PTPRQ: variants seen among roughly 807,000 people sequenced by gnomAD.
The protein encoded by PTPRQ is phosphatidylinositol phosphatase PTPRQ.
PTPRQ carries 199 observed loss-of-function variants against 246.0 expected under a neutral mutation model. That is an observed-to-expected ratio of 0.81 (90% CI 0.72 to 0.91). The LOEUF is 0.91. Among genes scored for constraint, PTPRQ ranks in the 40% least tolerant of loss-of-function variants. The pLI is 0.00. For missense variants in PTPRQ, 2,624 were observed against 2,528.4 expected (o/e 1.04, Z -0.81); for synonymous variants, 869 against 853.2 (o/e 1.02, Z -0.32).
chr12:80,448,342 G>T (rs1382553905), intron 3 of PTPRQ, among the ~76,000 whole-genome samples: 1 of 152,110 alleles, frequency 6.6e-6, no homozygotes, highest in Non-Finnish European at 1.5e-5. Context: ...AGTGAACAAA[G>T]ATAGTATGCT....
At chr12:80,465,289 C>T (rs545300632) in intron 6 of PTPRQ, 1 of 152,336 alleles carries the variant, frequency 6.6e-6, no homozygotes, top group East Asian at 1.9e-4. Flanking sequence ...CATACACCCT[C>T]CCAAGACTAA....
intron 20 of PTPRQ, among the ~76,000 whole-genome samples, 171 bp downstream of exon 20, chr12:80,540,115 C>T (rs1013072045): frequency 6.6e-6 from 1 of 152,090 alleles, no homozygotes; most frequent in African/African-American, 2.4e-5. Context: ...GTAATAGCCT[C>T]TTCTGTTCAA....
At chr12:80,614,429 G>A (rs1402946585) in intron 29 of PTPRQ, among the ~76,000 whole-genome samples, 1 of 150,676 alleles carries the variant, frequency 6.6e-6, no homozygotes, top group South Asian at 2.1e-4. Flanking sequence ...ATATGGTTCA[G>A]AGAAATCATC....
At chr12:80,545,201 C>T (rs1353331894) in intron 23 of PTPRQ, among the ~76,000 whole-genome samples, 1 of 152,002 alleles carries the variant, frequency 6.6e-6, no homozygotes. Flanking sequence ...TATAAAAATT[C>T]CTTGATGGCA....
chr12:80,524,529 T>G (rs554929774), intron 17 of PTPRQ, among the ~76,000 whole-genome samples: 29 of 152,118 alleles, frequency 1.9e-4, no homozygotes, highest in Non-Finnish European at 3.8e-4. Context: ...TTAATTTAGG[T>G]CAGCTGTTGT....
intron 8 of PTPRQ, among the ~76,000 whole-genome samples, chr12:80,481,132 A>G (rs1049929905): frequency 4.6e-5 from 7 of 152,218 alleles, no homozygotes; most frequent in African/African-American, 1.7e-4. Context: ...TCAGTAAAAT[A>G]CTGGCAAAAC....
rs1021933554 is a variant in PTPRQ at position 80,571,083 on chromosome 12, A to G, written c.4286-17046A>G. 6.4e-4 allele frequency among the ~76,000 whole-genome samples: 98 copies of G among 152,252 alleles called. 2 individuals carry two copies. Among genetic ancestry groups the G allele is most frequent in the African/African-American group, 2.3e-3 (96 of 41,550 alleles). ...GCTATGTGCTCTTTTTTGGTTCCAT[A>G]TGAAATTTAAAGTGGTTTTTTTCTA... On this transcript the variant is annotated intron_variant, in intron 25 of 44. Coordinates refer to ENST00000644991, the MANE Select transcript of PTPRQ (RefSeq NM_001145026.2).
chr12:80,569,695 G>A lies in PTPRQ; in HGVS notation c.4286-18434G>A, dbSNP rs140706521. ...GGTGGTTTGCTGCCGCCATCAAACC[G>A]TCATCTATATTAGGTACTCCTCCTA... On this transcript the variant is annotated intron_variant, in intron 25 of 44. Transcript: ENST00000644991. 4.9e-3 allele frequency among the ~76,000 whole-genome samples: 735 copies of A among 151,462 alleles called. 4 individuals are homozygous for A. The highest frequency in any genetic ancestry group is 0.016 in the African/African-American group (670 of 41,232).
rs573540648 is a variant in PTPRQ at position 80,657,444 on chromosome 12, G to A, written c.6116-541G>A. Among the ~76,000 whole-genome samples the A allele has an allele frequency of 7.2e-5, 11 of 151,726 alleles. No homozygotes were observed. In the East Asian group the frequency reaches 2.1e-3, roughly 29 times the overall value. On this transcript the variant is annotated intron_variant, in intron 38 of 44. Transcript: ENST00000644991. ...AGAAATGTTTTTCAAAATTTGGAATGCATATATATAAAATCTAAAAATTTT... is the reference window on the plus strand; with the variant it reads ...AGAAATGTTTTTCAAAATTTGGAATACATATATATAAAATCTAAAAATTTT...
At chr12:80,623,327 G>A (rs773971416) in intron 33 of PTPRQ, among the ~76,000 whole-genome samples, 1 of 152,144 alleles carries the variant, frequency 6.6e-6, no homozygotes, top group Admixed American at 6.6e-5. Context: ...CTACATAGAT[G>A]TTTGTAGAGA....
intron 6 of PTPRQ, among the ~76,000 whole-genome samples, chr12:80,463,709 T>G (rs1188132616): frequency 1.3e-5 from 2 of 151,584 alleles, no homozygotes; most frequent in African/African-American, 4.9e-5. Flanking sequence ...TGGGGGCCAA[T>G]ATTCAACATT....
At chr12:80,552,504 T>C (rs1896504456) in intron 25 of PTPRQ, among the ~76,000 whole-genome samples, 1 of 151,272 alleles carries the variant, frequency 6.6e-6, no homozygotes, top group African/African-American at 2.4e-5. Context: ...TTGAGTATAC[T>C]GGTACTCAAA....
At chr12:80,487,273 G>A (rs1460467738) in intron 9 of PTPRQ, among the ~76,000 whole-genome samples, 1 of 152,084 alleles carries the variant, frequency 6.6e-6, no homozygotes, top group Non-Finnish European at 1.5e-5. Context: ...TTCATGATGG[G>A]AGGGAAGATG....
At chr12:80,678,516 T>C in intron 43 of PTPRQ, 86 bp from the exon 44 acceptor site, 1 of 1,391,418 alleles carries the variant, frequency 7.2e-7, no homozygotes, top group Non-Finnish European at 9.4e-7. Context: ...ATGAATTCAG[T>C]ACTGCTTTTA....
chr12:80,491,159 A>T (rs1894437063), intron 9 of PTPRQ, among the ~76,000 whole-genome samples: 1 of 151,988 alleles, frequency 6.6e-6, no homozygotes, highest in Admixed American at 6.6e-5. Flanking sequence ...ATGGGATGTT[A>T]TGCTTTAACT....
chr12:80,642,764 C>CA (rs1166506983), intron 35 of PTPRQ, among the ~76,000 whole-genome samples: 75 of 150,266 alleles, frequency 5.0e-4, no homozygotes, highest in African/African-American at 1.8e-3. Flanking sequence ...ACTAAAAATA[C>CA]AAAAAATTAG....
At chr12:80,543,120 T>G (rs1333018403) in intron 23 of PTPRQ, among the ~76,000 whole-genome samples, 1 of 152,074 alleles carries the variant, frequency 6.6e-6, no homozygotes, top group East Asian at 1.9e-4. Flanking sequence ...TATCTACAAT[T>G]TAAGAAACAG....
At chr12:80,545,308 A>G (rs1224653358) in intron 23 of PTPRQ, among the ~76,000 whole-genome samples, 3 of 152,160 alleles carry the variant, frequency 2.0e-5, no homozygotes, top group African/African-American at 7.2e-5. Context: ...AAAGAGATTC[A>G]GTAAGCCCCT....
At position 80,678,717 on chromosome 12, in the gene PTPRQ, C is replaced by T. The variant is rs1901223597; in HGVS notation, c.6854C>T (p.Ala2285Val). The T allele has an allele frequency of 1.3e-6, 2 of 1,548,320 alleles. No individual in the cohort carries two copies. The highest frequency in any genetic ancestry group is 2.0e-5 in the Admixed American group (1 of 50,680). ...SALQKMDSLD[A>V]MEGDVELEWE... ...CTTCAGAAGATGGACTCTTTGGACG[C>T]CATGGAAGGTAAACAGAAACAACAG... The change falls in exon 44 of 45, where the codon GCC (alanine) becomes GTC (valine). Residue 2285 changes from alanine (A) to valine (V), a missense_variant. By Grantham distance (64) the Ala-to-Val change is moderately conservative. Coordinates refer to ENST00000644991, the MANE Select transcript of PTPRQ (RefSeq NM_001145026.2).
Sources: gnomAD v4.1 joint callset for allele counts (sites outside exome capture counted in the v4.1 genomes callset) on GRCh38, gnomAD v4.1.1 for gene constraint, MANE v1.5 for transcripts, NCBI Gene and HGNC (gene_info 2026-07-23, HGNC 2026-07-21) for gene names.